Variants in STIM1 observed in about 807,000 individuals in gnomAD.
STIM1 encodes stromal interaction molecule 1.
STIM1 carries 25 observed loss-of-function variants against 74.7 expected under a neutral mutation model. The observed-to-expected ratio is 0.33, with a 90% confidence interval of 0.24 to 0.47. The LOEUF is 0.47. Among genes scored for constraint, STIM1 ranks in the 20% least tolerant of loss-of-function variants. STIM1 has a pLI of 1.00. For synonymous variants in STIM1, 328 were observed against 348.8 expected, an observed-to-expected ratio of 0.94 and a Z score of 0.66; for missense variants, 728 against 920.8, an observed-to-expected ratio of 0.79 and a Z score of 2.71.
intron 10 of STIM1, 99 bp from the exon 11 acceptor site, chr11:4,084,574 A>C (rs982019268): frequency 3.0e-6 from 3 of 992,458 alleles, no homozygotes; most frequent in Admixed American, 4.7e-5. Flanking sequence ...TGAGCTACCC[A>C]ATCCCTGCCC....
At chr11:3,971,895 A>T (rs2093399581) in intron 2 of STIM1, among the ~76,000 whole-genome samples, 1 of 152,114 alleles carries the variant, frequency 6.6e-6, no homozygotes, top group Non-Finnish European at 1.5e-5. Context: ...AATATTAAAC[A>T]TAAAAACCAC....
intron 1 of STIM1, among the ~76,000 whole-genome samples, chr11:3,864,510 ACT>A (rs1565094337): frequency 6.6e-6 from 1 of 152,196 alleles, no homozygotes; most frequent in Non-Finnish European, 1.5e-5. Context: ...GGGCCTCTAC[ACT>A]GGGCTATACT....
chr11:3,921,503 A>G (rs2092717191), intron 1 of STIM1, among the ~76,000 whole-genome samples: 2 of 152,234 alleles, frequency 1.3e-5, no homozygotes, highest in African/African-American at 4.8e-5. Flanking sequence ...TGACAACATC[A>G]TGCTAACCAG....
At chr11:3,859,690 G>A (rs547676516) in intron 1 of STIM1, among the ~76,000 whole-genome samples, 111 of 152,348 alleles carry the variant, frequency 7.3e-4, no homozygotes, top group Non-Finnish European at 1.3e-3. Context: ...CCCCCAGCTA[G>A]TTGCTGCTGC....
chr11:4,019,429 T>C (rs1280095307), intron 2 of STIM1, among the ~76,000 whole-genome samples: 2 of 152,110 alleles, frequency 1.3e-5, no homozygotes, highest in African/African-American at 4.8e-5. Flanking sequence ...ATCCGAGCAC[T>C]TTGGGAGGCT....
intron 2 of STIM1, chr11:3,973,025 T>C (rs887051957): frequency 2.1e-6 from 1 of 477,272 alleles, no homozygotes; most frequent in Admixed American, 2.2e-5. Flanking sequence ...CCTCCATCGT[T>C]GTTATAGCTG....
At chr11:4,015,821 C>T (rs563369596) in intron 2 of STIM1, among the ~76,000 whole-genome samples, 3 of 151,800 alleles carry the variant, frequency 2.0e-5, no homozygotes, top group East Asian at 1.9e-4. Flanking sequence ...TCTTTTTTTC[C>T]GCTTGATCAA....
Position 4,070,019 on chromosome 11 carries a change from C to T in STIM1, c.614-7C>T. 1 of 1,613,950 alleles carries T rather than the reference C, an allele frequency of 6.2e-7. No individual in the cohort carries two copies. Among genetic ancestry groups the T allele is most frequent in the African/African-American group, 1.3e-5 (1 of 75,046 alleles). On this transcript the variant is annotated splice_polypyrimidine_tract_variant and splice_region_variant and intron_variant, in intron 5 of 12. Transcript: ENST00000526596. The stretch of plus-strand genomic sequence containing the variant: ...CCTAACTCATCATGCCCTCCCCTCT[C>T]TGGCAGTGACTCGCCATAATCACCT...
chr11:3,856,175 G>A lies in STIM1; in HGVS notation c.-96G>A. On this transcript the variant is annotated 5_prime_UTR_variant, in exon 1 of 13. Transcript: ENST00000526596. ...AGCTGCGGAGCCGCGAGGGCATCTT[G>A]CCTGGAGACCGTCGGCTGCACTCCC... The A allele has an allele frequency of 6.4e-7, 1 of 1,555,660 alleles. No individual in the cohort carries two copies. The highest frequency in any genetic ancestry group is 8.8e-7 in the Non-Finnish European group (1 of 1,134,408).
At chr11:4,023,112 C>T (rs1193183367) in intron 2 of STIM1, among the ~76,000 whole-genome samples, 20 of 152,156 alleles carry the variant, frequency 1.3e-4, no homozygotes. Flanking sequence ...GGGTGGATTG[C>T]CTGAGCTCAA....
chr11:3,981,612 C>G (rs73429609), intron 2 of STIM1, among the ~76,000 whole-genome samples: 2 of 152,092 alleles, frequency 1.3e-5, no homozygotes, highest in Non-Finnish European at 1.5e-5. Context: ...CTTGTGAGTT[C>G]CCTGTCAGGA....
At chr11:4,024,057 CT>C in intron 3 of STIM1, 70 bp downstream of exon 3, 1 of 1,290,082 alleles carries the variant, frequency 7.8e-7, no homozygotes, top group Non-Finnish European at 1.1e-6. Context: ...GCAACTTGGC[CT>C]TAGAAGAACA....
At chr11:3,921,178 A>G (rs1284919841) in intron 1 of STIM1, among the ~76,000 whole-genome samples, 1 of 152,158 alleles carries the variant, frequency 6.6e-6, no homozygotes. Flanking sequence ...GTAAAACTGG[A>G]TTGATCAGAG....
chr11:3,920,580 T>C (rs2092705166), intron 1 of STIM1, among the ~76,000 whole-genome samples: 1 of 152,122 alleles, frequency 6.6e-6, no homozygotes, highest in Admixed American at 6.6e-5. Flanking sequence ...TGTCCCCAAG[T>C]GTATAATTGG....
intron 3 of STIM1, among the ~76,000 whole-genome samples, chr11:4,051,026 G>A (rs143003722): frequency 6.2e-4 from 95 of 152,134 alleles, no homozygotes; most frequent in African/African-American, 2.2e-3. Flanking sequence ...GGTGGCAGAG[G>A]CAGAAAAGAT....
chr11:3,973,089 C>CCACTTCCATAGCCTCTGCTTCCTT, intron 2 of STIM1: 1 of 434,796 alleles, frequency 2.3e-6, no homozygotes, highest in South Asian at 1.7e-5. Context: ...AATCCTGCCT[C>CCACTTCCATAGCCTCTGCTTCCTT]CACTTCCATA....
chr11:3,973,005 G>T, intron 2 of STIM1: 1 of 502,172 alleles, frequency 2.0e-6, no homozygotes, highest in Non-Finnish European at 4.0e-6. Flanking sequence ...CACCAACAAA[G>T]CTGCTTCTGC....
chr11:3,987,834 C>CAG (rs1046844820), intron 2 of STIM1, among the ~76,000 whole-genome samples: 5 of 149,402 alleles, frequency 3.3e-5, no homozygotes, highest in African/African-American at 1.2e-4. Flanking sequence ...CACACACACA[C>CAG]ACACACACAG....
At chr11:4,009,530 C>T (rs2093815808) in intron 2 of STIM1, among the ~76,000 whole-genome samples, 1 of 151,782 alleles carries the variant, frequency 6.6e-6, no homozygotes, top group Admixed American at 6.6e-5. Flanking sequence ...ATTGCTTGAA[C>T]CCGGCGGGCA....
Sources: gnomAD v4.1 joint callset for allele counts (sites outside exome capture counted in the v4.1 genomes callset) on GRCh38, gnomAD v4.1.1 for gene constraint, MANE v1.5 for transcripts, NCBI Gene and HGNC (gene_info 2026-07-23, HGNC 2026-07-21) for gene names.